The following ACSM3 variants were observed in gnomAD, a reference collection of about 807,000 sequenced individuals.
ACSM3 encodes the protein acyl-coenzyme A synthetase ACSM3, mitochondrial.
A neutral mutation model predicts 74.1 loss-of-function variants in ACSM3; 61 were observed. The observed-to-expected ratio is 0.82, with a 90% CI of 0.67 to 1.02. The LOEUF is 1.02. Among genes scored for constraint, ACSM3 ranks in the 50% least tolerant of loss-of-function variants. The pLI is 0.00. For missense variants in ACSM3, 660 were observed against 697.0 expected, an observed-to-expected ratio of 0.95 and a Z score of 0.60; for synonymous variants, 213 against 241.5, an observed-to-expected ratio of 0.88 and a Z score of 1.09.
chr16:20,705,320 CAG>C (rs1220989060), intron 1 of ACSM3, among the ~76,000 whole-genome samples: 3 of 145,574 alleles, frequency 2.1e-5, no homozygotes, highest in Admixed American at 7.1e-5. Flanking sequence ...TTGCACTGAG[CAG>C]AGAGAGAGCC....
intron 1 of ACSM3, among the ~76,000 whole-genome samples, chr16:20,724,764 T>C (rs1467782994): frequency 6.6e-6 from 1 of 152,114 alleles, no homozygotes; most frequent in African/African-American, 2.4e-5. Context: ...AAATCATGAG[T>C]GAACTCCCAT....
intron 10 of ACSM3, among the ~76,000 whole-genome samples, chr16:20,791,499 G>T (rs993605557): frequency 2.6e-4 from 39 of 152,164 alleles, no homozygotes; most frequent in African/African-American, 9.4e-4. Context: ...ACTAATCTTT[G>T]TAACTGTAGT....
At chr16:20,796,644 T>A in intron 13 of ACSM3, 155 bp downstream of exon 13, 1 of 1,489,534 alleles carries the variant, frequency 6.7e-7, no homozygotes. Context: ...ATCTTTGAGA[T>A]TAAAATGAAA....
In ACSM3 at chr16:20,775,881, A is replaced by G. The variant is rs748223580; in HGVS notation, c.262A>G (p.Arg88Gly). 1.2e-6 allele frequency: 2 copies of G among 1,614,202 alleles called. No individual in the cohort carries two copies. The highest frequency in any genetic ancestry group is 1.7e-6 in the Non-Finnish European group (2 of 1,180,032). The change falls in exon 3 of 14, where the codon AGA becomes GGA. Residue 88 changes from arginine (R) to glycine (G), a missense_variant. Coordinates refer to ENST00000289416, the MANE Select transcript of ACSM3 (RefSeq NM_005622.4). ...AAATCCAGCCTTCTGGTGGATCAAC[A>G]GAAATGGAGAAGAGATGCGATGGAG... ...PSNPAFWWIN[R>G]NGEEMRWSFE...
intron 1 of ACSM3, among the ~76,000 whole-genome samples, chr16:20,683,643 A>G (rs9930187): frequency 0.49 from 61,390 of 125,568 alleles, 15,605 homozygotes; most frequent in Non-Finnish European, 0.62. Context: ...GCTCAGCTCA[A>G]GTCTTTTTTT....
rs144724334 is a variant in ACSM3 at position 20,740,515 on chromosome 16, T to A, written c.-189-9395T>A. Among the ~76,000 whole-genome samples, 794 of 152,348 alleles carry A rather than the reference T, an allele frequency of 5.2e-3. 6 individuals are homozygous for A. Among genetic ancestry groups the A allele is most frequent in the African/African-American group, 0.018 (742 of 41,576 alleles). On this transcript the variant is annotated intron_variant, in intron 1 of 3. Transcript: ENST00000561584. ...TCAGGCACAATAATAATTGTATACA[T>A]TTACAGAAACTTTATTACATACCAG...
chr16:20,682,228 G>T, intron 1 of ACSM3: 1 of 1,605,130 alleles, frequency 6.2e-7, no homozygotes, highest in Non-Finnish European at 8.5e-7. Flanking sequence ...TGTACTCAGA[G>T]ATTATATTCA....
chr16:20,775,775 C>T (rs2080247850), intron 2 of ACSM3, 64 bp from the exon 3 acceptor site: 1 of 1,511,222 alleles, frequency 6.6e-7, no homozygotes, highest in African/African-American at 1.4e-5. Flanking sequence ...TCCATTGAGT[C>T]AGTTGGCCCA....
intron 1 of ACSM3, among the ~76,000 whole-genome samples, chr16:20,723,394 T>C (rs1373078708): frequency 6.6e-6 from 1 of 152,228 alleles, no homozygotes; most frequent in Admixed American, 6.5e-5. Context: ...TTTGGGTATA[T>C]ACCCAGTAAT....
rs145080272 is a variant in ACSM3, at chr16:20,770,164, G to C, written c.130G>C (p.Glu44Gln). 154 of 1,614,122 alleles carry C rather than the reference G, an allele frequency of 9.5e-5. 1 individual carries two copies. The Middle Eastern group carries it at 1.6e-3, about 17-fold the overall frequency. ...AACCCCTCAGAATTTCTCCAACTATGAATCCATGAAACAGGACTTCAAACT... is the reference window on the plus strand; with the variant it reads ...AACCCCTCAGAATTTCTCCAACTATCAATCCATGAAACAGGACTTCAAACT... ...TATPQNFSNY[E>Q]SMKQDFKLGI... Residue 44 changes from glutamate (E) to glutamine (Q), a missense_variant, in exon 2 of 14, where the codon GAA (glutamate) becomes CAA (glutamine). Physicochemically the swap from Glu to Gln is conservative, Grantham distance 29 (BLOSUM62 2). Transcript: ENST00000289416.
In ACSM3 at chr16:20,741,893, C is replaced by G. The variant is rs141591505; in HGVS notation, c.-189-8017C>G. On this transcript the variant is annotated intron_variant, in intron 1 of 3. Coordinates refer to the ACSM3 transcript ENST00000561584. Reference sequence around the variant, plus strand: ...TCCGTGCTGCGCCAGGTCCTAAGGCCGGTCTGCAATCGTGAAAGGGGTGGA... The same window carrying G: ...TCCGTGCTGCGCCAGGTCCTAAGGCGGGTCTGCAATCGTGAAAGGGGTGGA... 2.0e-6 allele frequency: 3 copies of G among 1,534,678 alleles called. No individual in the cohort carries two copies. In the East Asian group the frequency reaches 7.3e-5, roughly 38 times the overall value.
At chr16:20,759,045 G>C (rs1370320559), upstream of ACSM3, among the ~76,000 whole-genome samples, 2 of 152,030 alleles carry the variant, frequency 1.3e-5, no homozygotes, top group Non-Finnish European at 2.9e-5. Flanking sequence ...GAGCTTTTTT[G>C]TATGCTAGTG....
intron 4 of ACSM3, 182 bp from the exon 5 acceptor site, chr16:20,780,532 T>C (rs2080329016): frequency 7.9e-7 from 1 of 1,273,870 alleles, no homozygotes; most frequent in African/African-American, 1.5e-5. Flanking sequence ...TTAGTTTTGA[T>C]TCTAGAAAGC....
intron 1 of ACSM3, among the ~76,000 whole-genome samples, chr16:20,717,960 GAAGAAGAAGAAGAAGAAGAAGAAGAAGAA>G (rs2079769630): frequency 1.6e-5 from 1 of 63,762 alleles, no homozygotes; most frequent in African/African-American, 7.5e-5. Context: ...GGAAGAGGAA[GAAGAAGAAGAAGAAGAAGAAGAAGAAGAA>G]GAAGAAGAAG....
intron 12 of ACSM3, 64 bp downstream of exon 12, chr16:20,792,399 G>A: frequency 6.3e-7 from 1 of 1,593,452 alleles, no homozygotes; most frequent in East Asian, 2.2e-5. Flanking sequence ...CTTACAAACA[G>A]TAGCTCAGTG....
At chr16:20,789,965 C>G (rs376469852) in intron 9 of ACSM3, among the ~76,000 whole-genome samples, 1 of 151,964 alleles carries the variant, frequency 6.6e-6, no homozygotes, top group Non-Finnish European at 1.5e-5. Context: ...TGAGCCACTG[C>G]GCCCAGCCAG....
At chr16:20,749,784 C>G (rs1337343916) in intron 1 of ACSM3, 1 of 152,308 alleles carries the variant, frequency 6.6e-6, no homozygotes, top group Non-Finnish European at 1.5e-5. Flanking sequence ...GAAAGTCACA[C>G]CCAGCATAGT....
At chr16:20,791,779 T>G (rs921293042) in intron 10 of ACSM3, among the ~76,000 whole-genome samples, 1 of 151,970 alleles carries the variant, frequency 6.6e-6, no homozygotes, top group African/African-American at 2.4e-5. Context: ...AATACAAAAA[T>G]TAGCCGGGTG....
At chr16:20,690,825 G>T (rs1318879572) in intron 1 of ACSM3, among the ~76,000 whole-genome samples, 2 of 152,196 alleles carry the variant, frequency 1.3e-5, no homozygotes, top group East Asian at 3.9e-4. Flanking sequence ...GCTCAATGAA[G>T]TAAGGAAATG....
Sources: allele counts gnomAD v4.1 joint callset (sites outside exome capture counted in the v4.1 genomes callset), GRCh38; gene constraint gnomAD v4.1.1; transcripts MANE v1.5; gene names NCBI Gene and HGNC (gene_info 2026-07-23, HGNC 2026-07-21).